The following POLR1G variants were observed in gnomAD, a reference collection of about 807,000 sequenced individuals.
POLR1G encodes the protein RNA polymerase I subunit G, also known as DNA-directed RNA polymerase I subunit RPA34.
Under a neutral mutation model 6.3 loss-of-function variants are expected in POLR1G, and 9 were observed. The ratio of observed to expected loss-of-function variants is 1.44; its 90% CI spans 0.87 to 2.51. The LOEUF is 2.51. POLR1G is among the 30% of genes most tolerant of loss of function. The pLI is 0.00. For missense variants in POLR1G, 617 were observed against 632.5 expected (o/e 0.98, Z 0.26); for synonymous variants, 248 against 256.5 (o/e 0.97, Z 0.32).
rs370350694 is a variant in POLR1G, at chr19:45,408,677, G to A, written c.709G>A (p.Glu237Lys). Residue 237 changes from glutamate to lysine, a missense_variant, in exon 3 of 3, where the codon GAG becomes AAG. Transcript: ENST00000309424. ...AGPVGTEPTVETLEPLGVLFP... is the reference protein window; with the variant it reads ...AGPVGTEPTVKTLEPLGVLFP... Reference sequence around the variant, plus strand: ...GCCTGTGGGGACAGAGCCCACAGTGGAGACACTGGAGCCTCTGGGAGTGCT... The same window carrying A: ...GCCTGTGGGGACAGAGCCCACAGTGAAGACACTGGAGCCTCTGGGAGTGCT... 9.9e-6 allele frequency: 16 copies of A among 1,613,894 alleles called. No homozygotes were observed. Among genetic ancestry groups the A allele is most frequent in the Non-Finnish European group, 1.4e-5 (16 of 1,180,024 alleles).
rs1973493677 is a variant in POLR1G, at chr19:45,408,630, T to G, written c.662T>G (p.Leu221Arg). The change falls in exon 3 of 3, where the codon CTG becomes CGG. Residue 221 changes from leucine (L) to arginine (R), a missense_variant. By Grantham distance (102) the Leu-to-Arg change is moderately radical. Transcript: ENST00000309424. Reference sequence around the variant, plus strand: ...AAGAAGAAGAAAAAAAATCAGCAGCTGAAAGAACCAGAGGCAGCAGGGCCT... The same window carrying G: ...AAGAAGAAGAAAAAAAATCAGCAGCGGAAAGAACCAGAGGCAGCAGGGCCT... Reference protein sequence around the residue: ...RKKKKKKNQQLKEPEAAGPVG... With the variant: ...RKKKKKKNQQRKEPEAAGPVG... The G allele has an allele frequency of 1.2e-6, 2 of 1,612,164 alleles. No individual in the cohort carries two copies. Among genetic ancestry groups the G allele is most frequent in the Non-Finnish European group, 1.7e-6 (2 of 1,179,648 alleles).
Position 45,406,945 on chromosome 19 carries a change from C to T in POLR1G, c.23-149C>T, listed in dbSNP as rs1283875690. On this transcript the variant is annotated intron_variant, in intron 1 of 2. Transcript: ENST00000309424. This position sits in a 1 kb window ranked among gnomAD's most constrained non-coding sequence, Gnocchi z 4.2. ...GGTTGGATCGGTGAAATTGAGGTCG[C>T]CCCTGGGGAACAGGTGGGCAGAAAG... 2.6e-6 allele frequency: 3 copies of T among 1,164,428 alleles called. No individual in the cohort carries two copies. The highest frequency in any genetic ancestry group is 1.6e-5 in the African/African-American group (1 of 63,456). 72.1% of individuals were successfully genotyped at this position (1,164,428 alleles called of 1,614,324 possible).
Position 45,406,719 on chromosome 19 carries a change from G to A in POLR1G, c.22+1G>A. On this transcript the variant is annotated splice_donor_variant, in intron 1 of 2. Coordinates refer to ENST00000309424, the MANE Select transcript of POLR1G (RefSeq NM_012099.3). LOFTEE classifies it high-confidence loss of function. This position sits in a 1 kb window ranked among gnomAD's most constrained non-coding sequence, Gnocchi z 4.2. Reference sequence around the variant, plus strand: ...AGGATGGAGGAGCCCCAGGCCGGCGGTGAGGGTGCGGGTTGACGGGGTGCG... The same window carrying A: ...AGGATGGAGGAGCCCCAGGCCGGCGATGAGGGTGCGGGTTGACGGGGTGCG... 2 of 1,531,964 alleles carry A rather than the reference G, an allele frequency of 1.3e-6. No homozygotes were observed. The highest frequency in any genetic ancestry group is 1.2e-5 in the South Asian group (1 of 81,562). The allele number at this position is 1,531,964 out of a possible 1,614,324, so 94.9% of individuals were successfully genotyped here.
chr19:45,407,968 C>G (rs560766196), intron 2 of POLR1G, 165 bp from the exon 3 acceptor site: 1 of 861,272 alleles, frequency 1.2e-6, no homozygotes, highest in African/African-American at 1.7e-5. Flanking sequence ...GCAGGAGAAT[C>G]GCTTGAACCC....
chr19:45,407,293 T>C, intron 2 of POLR1G, 58 bp downstream of exon 2: 2 of 1,526,478 alleles, frequency 1.3e-6, no homozygotes, highest in Non-Finnish European at 1.8e-6. Flanking sequence ...GAGCGGGTTC[T>C]TGAATTTGTC....
chr19:45,408,269 G>A lies in POLR1G; in HGVS notation c.301G>A (p.Ala101Thr), dbSNP rs1819880952. 6.2e-7 allele frequency: 1 copy of A among 1,614,108 alleles called. No homozygotes were observed. Among genetic ancestry groups the A allele is most frequent in the Non-Finnish European group, 8.5e-7 (1 of 1,180,010 alleles). ...GACCCTGCTGGCCCCCTCAACGGAG[G>A]CAGGAGGTGGACTCACCTGTGCCTC... ...EATLLAPSTE[A>T]GGGLTCASAP... The change falls in exon 3 of 3, where the codon GCA becomes ACA. Residue 101 changes from alanine to threonine, a missense_variant. By Grantham distance (58) the Ala-to-Thr change is moderately conservative. Transcript: ENST00000309424.
At chr19:45,407,469 T>TG (rs1973414906) in intron 2 of POLR1G, 2 of 505,806 alleles carry the variant, frequency 4.0e-6, no homozygotes, top group Middle Eastern at 5.1e-4. Context: ...TAGTTAAACT[T>TG]GGAGTGTGCA....
In POLR1G at chr19:45,409,230, C is replaced by G; in HGVS notation, c.1262C>G (p.Thr421Ser). 1.2e-6 allele frequency: 2 copies of G among 1,608,068 alleles called. No individual in the cohort carries two copies. The highest frequency in any genetic ancestry group is 1.7e-6 in the Non-Finnish European group (2 of 1,176,308). The change falls in exon 3 of 3, where the codon ACC (threonine) becomes AGC (serine). Residue 421 changes from threonine to serine, a missense_variant. Physicochemically the swap from Thr to Ser is moderately conservative, Grantham distance 58 (BLOSUM62 1). Transcript: ENST00000309424. Reference sequence around the variant, plus strand: ...GAGCCTCAGGCAGCTCCCACATCCACCAAGAAGAAGAAGAAGAAGAAAGAG... The same window carrying G: ...GAGCCTCAGGCAGCTCCCACATCCAGCAAGAAGAAGAAGAAGAAGAAAGAG... ...DLEPQAAPTS[T>S]KKKKKKKERG...
rs542570048 is a variant in POLR1G at position 45,408,002 on chromosome 19, C to T, written c.165-131C>T. The T allele has an allele frequency of 1.3e-5, 16 of 1,225,112 alleles. No individual in the cohort carries two copies. In the Admixed American group the frequency reaches 1.4e-4, roughly 11 times the overall value. The allele number at this position is 1,225,112 out of a possible 1,614,324, so 75.9% of individuals were successfully genotyped here. Reference sequence around the variant, plus strand: ...CCAGGAGGTGGACATTGCAGTGAGCCGAGATCATGCCACTGCACTCCAGCC... The same window carrying T: ...CCAGGAGGTGGACATTGCAGTGAGCTGAGATCATGCCACTGCACTCCAGCC... On this transcript the variant is annotated intron_variant, in intron 2 of 2. Coordinates refer to ENST00000309424, the MANE Select transcript of POLR1G (RefSeq NM_012099.3).
Position 45,407,210 on chromosome 19 carries a change from G to T in POLR1G, c.139G>T (p.Ala47Ser), listed in dbSNP as rs764067005. Residue 47 changes from alanine to serine, a missense_variant, in exon 2 of 3, where the codon GCC becomes TCC. Coordinates refer to ENST00000309424, the MANE Select transcript of POLR1G (RefSeq NM_012099.3). ...AGATACGGAGCTGTGGCTTATTCAG[G>T]CCCCTGCAGACTTTGCCCCAGAATG... ...GPDTELWLIQ[A>S]PADFAPECFN... is the part of the protein sequence containing the mutation. 6.2e-7 allele frequency: 1 copy of T among 1,612,880 alleles called. No individual in the cohort carries two copies. Among genetic ancestry groups the T allele is most frequent in the African/African-American group, 1.3e-5 (1 of 74,904 alleles).
In POLR1G at chr19:45,409,701, G is replaced by T; in HGVS notation, c.*200G>T. 1 of 950,310 alleles carries T rather than the reference G, an allele frequency of 1.1e-6. No individual in the cohort carries two copies. The highest frequency in any genetic ancestry group is 1.7e-6 in the Non-Finnish European group (1 of 573,820). The allele number at this position is 950,310 out of a possible 1,614,324, so 58.9% of individuals were successfully genotyped here. A position where few individuals can be genotyped will look rare whatever the true frequency, so the allele number is the denominator to read the frequency against. The stretch of plus-strand genomic sequence containing the variant: ...CAGGGTACTTTCAAGAAGGGCTCGT[G>T]CAGGACATCAAACAGCCTCCGGGCC... On this transcript the variant is annotated 3_prime_UTR_variant, in exon 3 of 3. Transcript: ENST00000309424.
At chr19:45,407,662 G>A in intron 2 of POLR1G, 1 of 253,086 alleles carries the variant, frequency 4.0e-6, no homozygotes, top group Non-Finnish European at 7.6e-6. Context: ...TATAATTGGT[G>A]GTCAGCCTGG....
At position 45,408,841 on chromosome 19, in the gene POLR1G, G is replaced by A; in HGVS notation, c.873G>A (p.Lys291=). Residue 291 remains lysine (K), a synonymous_variant, in exon 3 of 3, where the codon AAG becomes AAA. Coordinates refer to ENST00000309424, the MANE Select transcript of POLR1G (RefSeq NM_012099.3). ...TCCTGTCCCCGACCAAAAAGAGAAA[G>A]AGGCAAAAGGGGACGGAAGGGATGG... The part of the protein sequence containing the change: ...DTVLSPTKKR[K]RQKGTEGMEP... The A allele has an allele frequency of 6.2e-7, 1 of 1,614,178 alleles. No homozygotes were observed. Among genetic ancestry groups the A allele is most frequent in the Non-Finnish European group, 8.5e-7 (1 of 1,180,034 alleles).
At position 45,407,205 on chromosome 19, in the gene POLR1G, T is replaced by C. The variant is rs1286466865; in HGVS notation, c.134T>C (p.Ile45Thr). The change falls in exon 2 of 3, where the codon ATT becomes ACT. Residue 45 changes from isoleucine (I) to threonine (T), a missense_variant. Ile to Thr is a moderately conservative substitution (Grantham distance 89, BLOSUM62 -1). Transcript: ENST00000309424. The part of the protein sequence containing the change: ...LTGPDTELWL[I>T]QAPADFAPEC... ...GGTCCAGATACGGAGCTGTGGCTTA[T>C]TCAGGCCCCTGCAGACTTTGCCCCA... 3.7e-6 allele frequency: 6 copies of C among 1,613,192 alleles called. No homozygotes were observed. The South Asian group carries it at 6.6e-5, about 18-fold the overall frequency.
In POLR1G at chr19:45,407,255, GAA is replaced by G; in HGVS notation, c.164+23_164+24del. The stretch of plus-strand genomic sequence containing the variant: ...AGAATGGTGAGTGGTCTTGTTGACG[GAA>G]AAGAGGGTCCCGGTCCAGACCCCAA... On this transcript the variant is annotated intron_variant, in intron 2 of 2. Transcript: ENST00000309424. 1 of 1,607,346 alleles carries G rather than the reference GAA, an allele frequency of 6.2e-7. No homozygotes were observed. Among genetic ancestry groups the G allele is most frequent in the South Asian group, 1.1e-5 (1 of 90,002 alleles).
rs1373024429 is a variant in POLR1G, at chr19:45,408,938, C to T, written c.970C>T (p.Leu324=). Reference sequence around the variant, plus strand: ...GGAGCCACTGGAGGAAGCCATCCCTCTGCCCCCTACGAAGAAGAGGAAAAA... The same window carrying T: ...GGAGCCACTGGAGGAAGCCATCCCTTTGCCCCCTACGAAGAAGAGGAAAAA... ...KVEPLEEAIP[L]PPTKKRKKEK... The change falls in exon 3 of 3, where the codon CTG becomes TTG. Residue 324 remains leucine (L), a synonymous_variant. Transcript: ENST00000309424. 2 of 1,614,084 alleles carry T rather than the reference C, an allele frequency of 1.2e-6. No homozygotes were observed. The highest frequency in any genetic ancestry group is 2.2e-5 in the South Asian group (2 of 91,080).
rs749011119 is a variant in POLR1G, at chr19:45,406,930, G to A, written c.23-164G>A. 43 of 1,063,160 alleles carry A rather than the reference G, an allele frequency of 4.0e-5. No homozygotes were observed. The highest frequency in any genetic ancestry group is 4.9e-5 in the Non-Finnish European group (37 of 751,534). 65.9% of individuals were successfully genotyped at this position (1,063,160 alleles called of 1,614,324 possible). Reference sequence around the variant, plus strand: ...CAAGGCGCCCCCAGGGGTTGGATCGGTGAAATTGAGGTCGCCCCTGGGGAA... The same window carrying A: ...CAAGGCGCCCCCAGGGGTTGGATCGATGAAATTGAGGTCGCCCCTGGGGAA... On this transcript the variant is annotated intron_variant, in intron 1 of 2. Transcript: ENST00000309424. The surrounding 1 kb of genome is among the most constrained non-coding windows in gnomAD (Gnocchi z 4.2).
rs531407458 is a variant in POLR1G at position 45,408,023 on chromosome 19, C to T, written c.165-110C>T. On this transcript the variant is annotated intron_variant, in intron 2 of 2. Transcript: ENST00000309424. ...GAGCCGAGATCATGCCACTGCACTC[C>T]AGCCTAGGCAACAGAGCAAGACTCT... 4.6e-5 allele frequency: 65 copies of T among 1,405,276 alleles called. No homozygotes were observed. The African/African-American group carries it at 8.8e-4, about 19-fold the overall frequency. 87.1% of individuals were successfully genotyped at this position (1,405,276 alleles called of 1,614,324 possible). A position where few individuals can be genotyped will look rare whatever the true frequency, so the allele number is the denominator to read the frequency against.
rs866904773 is a variant in POLR1G at position 45,409,893 on chromosome 19, T to C, written c.*392T>C. ...TCTTTTTAAGTTATTATTATTATTA[T>C]TATTTTTTTTTTTTTTGAGATGGAG... On this transcript the variant is annotated 3_prime_UTR_variant, in exon 3 of 3. Coordinates refer to ENST00000309424, the MANE Select transcript of POLR1G (RefSeq NM_012099.3). 1 of 194,334 alleles carries C rather than the reference T, an allele frequency of 5.1e-6. No individual in the cohort carries two copies. Among genetic ancestry groups the C allele is most frequent in the South Asian group, 2.3e-4 (1 of 4,438 alleles). 12.0% of individuals were successfully genotyped at this position (194,334 alleles called of 1,614,324 possible). A position where few individuals can be genotyped will look rare whatever the true frequency, so the allele number is the denominator to read the frequency against.
Sources: gnomAD v4.1 joint callset for allele counts on GRCh38, gnomAD v4.1.1 for gene constraint, Gnocchi (gnomAD v3.1) non-coding constraint, MANE v1.5 for transcripts, NCBI Gene and HGNC (gene_info 2026-07-23, HGNC 2026-07-21) for gene names.